The following TNS3 variants were observed in gnomAD, a reference collection of about 807,000 sequenced individuals.
TNS3 encodes tensin 3, also known as tensin-3.
A neutral mutation model predicts 140.9 loss-of-function variants in TNS3; 45 were observed. The observed-to-expected ratio is 0.32, with a 90% CI of 0.25 to 0.41. The LOEUF (loss-of-function observed/expected upper bound fraction) is 0.41. Ranked by LOEUF, TNS3 falls within the 10% of genes least tolerant of loss-of-function variation. The pLI is 1.00. For missense variants in TNS3, 1,716 were observed against 1,906.7 expected, an observed-to-expected ratio of 0.90 and a Z score of 1.86; for synonymous variants, 815 against 788.4, an observed-to-expected ratio of 1.03 and a Z score of -0.56.
At position 47,281,222 on chromosome 7, in the gene TNS3, A is replaced by T. The variant is rs112106939; in HGVS notation, c.4098-868T>A. Among the ~76,000 whole-genome samples the T allele has an allele frequency of 4.5e-4, 68 of 152,298 alleles. 1 individual carries two copies. Among genetic ancestry groups the T allele is most frequent in the African/African-American group, 1.6e-3 (68 of 41,564 alleles). Reference sequence around the variant, plus strand: ...ACATGGTCACTGATACGACCCCCATAGAGACCTCCTTCCAGGCTCACCTGA... The same window carrying T: ...ACATGGTCACTGATACGACCCCCATTGAGACCTCCTTCCAGGCTCACCTGA... On this transcript the variant is annotated intron_variant, in intron 28 of 30. Transcript: ENST00000311160.
intron 3 of TNS3, among the ~76,000 whole-genome samples, chr7:47,504,566 G>T (rs1798344609): frequency 6.6e-6 from 1 of 152,218 alleles, no homozygotes; most frequent in South Asian, 2.1e-4. Flanking sequence ...CTTCATACTT[G>T]CCTGAGCAAT....
chr7:47,400,921 T>C lies in TNS3; in HGVS notation c.724-7A>G. The C allele has an allele frequency of 1.2e-6, 2 of 1,614,096 alleles. No individual in the cohort carries two copies. The highest frequency in any genetic ancestry group is 1.1e-5 in the South Asian group (1 of 91,078). ...TCTTGTGGTAGCATTTCACCTGGGT[T>C]AGAGAGACAAAACAAAACAAAGTAG... On this transcript the variant is annotated splice_region_variant and splice_polypyrimidine_tract_variant and intron_variant, in intron 13 of 30. Coordinates refer to ENST00000311160, the MANE Select transcript of TNS3 (RefSeq NM_022748.12).
intron 17 of TNS3, among the ~76,000 whole-genome samples, chr7:47,350,791 G>A (rs760929039): frequency 1.4e-4 from 22 of 152,208 alleles, no homozygotes; most frequent in Non-Finnish European, 2.9e-4. Context: ...CACAGTTGCA[G>A]GCAGTAAGTG....
chr7:47,557,072 T>G (rs373079659), intron 1 of TNS3: 9 of 456,772 alleles, frequency 2.0e-5, no homozygotes, highest in South Asian at 6.2e-5. Flanking sequence ...GTCCCCATCT[T>G]CCACCAGTTG....
intron 1 of TNS3, among the ~76,000 whole-genome samples, chr7:47,562,933 G>T (rs1800346219): frequency 1.3e-5 from 2 of 152,200 alleles, no homozygotes; most frequent in Admixed American, 1.3e-4. Context: ...ACAACTCCAT[G>T]AGTGCCTGGG....
At chr7:47,576,101 C>T (rs1800669421) in intron 1 of TNS3, among the ~76,000 whole-genome samples, 1 of 152,060 alleles carries the variant, frequency 6.6e-6, no homozygotes, top group Admixed American at 6.5e-5. Context: ...TGGAGAAAAA[C>T]TCATCTCTAT....
intron 4 of TNS3, chr7:47,453,278 G>A: frequency 1.0e-6 from 1 of 984,360 alleles, no homozygotes; most frequent in Non-Finnish European, 1.2e-6. Flanking sequence ...AACAAGAACA[G>A]CGCTCTCCGG....
chr7:47,577,200 C>T (rs1277645398), intron 1 of TNS3, among the ~76,000 whole-genome samples: 1 of 152,124 alleles, frequency 6.6e-6, no homozygotes, highest in Non-Finnish European at 1.5e-5. Context: ...TCCTGGGTGC[C>T]GACAGGTTGC....
intron 20 of TNS3, among the ~76,000 whole-genome samples, chr7:47,313,059 A>G (rs1476953359): frequency 1.3e-5 from 2 of 152,098 alleles, no homozygotes; most frequent in Non-Finnish European, 2.9e-5. Context: ...TACTGCATGG[A>G]GGAACATGTG....
chr7:47,459,337 T>C (rs1473740559), intron 4 of TNS3, among the ~76,000 whole-genome samples: 7 of 152,188 alleles, frequency 4.6e-5, no homozygotes, highest in African/African-American at 1.7e-4. Flanking sequence ...AGAGGAAACA[T>C]ACAAAACATG....
rs774169939 is a variant in TNS3 at position 47,450,497 on chromosome 7, G to A, written c.-75-8442C>T. 5.9e-5 allele frequency among the ~76,000 whole-genome samples: 9 copies of A among 152,302 alleles called. No individual in the cohort carries two copies. In the Middle Eastern group the frequency reaches 0.01, roughly 173 times the overall value. On this transcript the variant is annotated intron_variant, in intron 4 of 30. Coordinates refer to ENST00000311160, the MANE Select transcript of TNS3 (RefSeq NM_022748.12). Reference sequence around the variant, plus strand: ...CTGTGCCTACTCAAGTACTGAAAACGGTAATACACATTTTTTAAGTGTTTT... The same window carrying A: ...CTGTGCCTACTCAAGTACTGAAAACAGTAATACACATTTTTTAAGTGTTTT...
intron 2 of TNS3, among the ~76,000 whole-genome samples, chr7:47,511,969 T>A (rs1798628947): frequency 6.6e-6 from 1 of 152,226 alleles, no homozygotes; most frequent in East Asian, 1.9e-4. Context: ...CGAAGCTCCA[T>A]GTACTTTAGA....
chr7:47,412,608 T>A (rs1451609849), intron 12 of TNS3, among the ~76,000 whole-genome samples: 1 of 151,730 alleles, frequency 6.6e-6, no homozygotes, highest in Non-Finnish European at 1.5e-5. Flanking sequence ...AAAAAATAAA[T>A]AAATAAAAAT....
rs148690973 is a variant in TNS3 at position 47,512,620 on chromosome 7, C to T, written c.-152-5676G>A. 9.8e-3 allele frequency among the ~76,000 whole-genome samples: 1,494 copies of T among 152,212 alleles called. 23 individuals are homozygous for T. The highest frequency in any genetic ancestry group is 0.034 in the African/African-American group (1,407 of 41,512). On this transcript the variant is annotated intron_variant, in intron 2 of 30. Coordinates refer to ENST00000311160, the MANE Select transcript of TNS3 (RefSeq NM_022748.12). Reference sequence around the variant, plus strand: ...ATAAACTTTGTGACCGACAGACATGCGCGGTGGCCTCATCTATAGGAGAGA... The same window carrying T: ...ATAAACTTTGTGACCGACAGACATGTGCGGTGGCCTCATCTATAGGAGAGA...
chr7:47,311,905 A>G (rs566741728), intron 20 of TNS3, among the ~76,000 whole-genome samples: 16 of 152,344 alleles, frequency 1.1e-4, no homozygotes, highest in African/African-American at 3.8e-4. Context: ...AATCAAATAC[A>G]AAGTCTGAAA....
chr7:47,383,880 T>C (rs553057226), intron 16 of TNS3, among the ~76,000 whole-genome samples: 114 of 152,228 alleles, frequency 7.5e-4, no homozygotes, highest in African/African-American at 2.4e-3. Flanking sequence ...CCTAGACAGA[T>C]CAGGGTGTGG....
intron 20 of TNS3, among the ~76,000 whole-genome samples, chr7:47,332,785 G>A (rs929851256): frequency 6.6e-6 from 1 of 152,094 alleles, no homozygotes; most frequent in African/African-American, 2.4e-5. Flanking sequence ...GCTTTCAGAG[G>A]TTATGCAAAC....
Position 47,277,911 on chromosome 7 carries a change from T to C in TNS3, c.*165A>G, listed in dbSNP as rs1271082453. On this transcript the variant is annotated 3_prime_UTR_variant, in exon 31 of 31. Coordinates refer to ENST00000311160, the MANE Select transcript of TNS3 (RefSeq NM_022748.12). ...TTCAGGAAAGGCCAATTCACGGTGATGTTGTTTGTTCTTGTTTTTGCAGAG... is the reference window on the plus strand; with the variant it reads ...TTCAGGAAAGGCCAATTCACGGTGACGTTGTTTGTTCTTGTTTTTGCAGAG... The C allele has an allele frequency of 1.3e-6, 1 of 788,230 alleles. No individual in the cohort carries two copies. The highest frequency in any genetic ancestry group is 2.7e-5 in the East Asian group (1 of 37,342). The allele number at this position is 788,230 out of a possible 1,614,324, so 48.8% of individuals were successfully genotyped here. A position where few individuals can be genotyped will look rare whatever the true frequency, so the allele number is the denominator to read the frequency against.
chr7:47,549,011 G>A (rs1799993219), intron 1 of TNS3, among the ~76,000 whole-genome samples: 2 of 152,024 alleles, frequency 1.3e-5, no homozygotes, highest in South Asian at 2.1e-4. Flanking sequence ...GCAAAATAAA[G>A]CCCCAAAAAG....
Sources: gnomAD v4.1 joint callset for allele counts (sites outside exome capture counted in the v4.1 genomes callset) on GRCh38, gnomAD v4.1.1 for gene constraint, MANE v1.5 for transcripts, NCBI Gene and HGNC (gene_info 2026-07-23, HGNC 2026-07-21) for gene names.